The following DLGAP1 variants were observed in gnomAD, a reference collection of about 807,000 sequenced individuals.
DLGAP1 encodes the protein disks large-associated protein 1.
In DLGAP1, 11 loss-of-function variants were observed where a neutral mutation model predicts 90.8. That is an observed-to-expected ratio of 0.12 (90% CI 0.08 to 0.20). The LOEUF (loss-of-function observed/expected upper bound fraction) is 0.20. Ranked by LOEUF, DLGAP1 falls within the 10% of genes least tolerant of loss-of-function variation. The probability of loss-of-function intolerance (pLI) is 1.00; values close to 1 mark genes in which losing one functional copy is unlikely to be tolerated. For synonymous variants in DLGAP1, 558 were observed against 540.7 expected (o/e 1.03, Z -0.44); for missense variants, 1,050 against 1,333.8 (o/e 0.79, Z 3.31).
chr18:3,700,900 C>T (rs541466013), intron 7 of DLGAP1, among the ~76,000 whole-genome samples: 20 of 150,852 alleles, frequency 1.3e-4, no homozygotes, highest in South Asian at 6.3e-4. Flanking sequence ...TGAGCCATCA[C>T]GCCCAGCCGA....
intron 9 of DLGAP1, among the ~76,000 whole-genome samples, chr18:3,551,763 CCT>C (rs2053488019): frequency 1.0e-5 from 1 of 95,346 alleles, no homozygotes; most frequent in Non-Finnish European, 2.0e-5. Context: ...TTCCTTCCTT[CCT>C]TCCTTCTTTC....
chr18:3,792,196 TG>T lies in DLGAP1; in HGVS notation c.1172+21862del, dbSNP rs574400075. ...GCTGTGGGTACTTAAGATATTATGA[TG>T]GGGCTGGGCACGATGGCTCACACCT... On this transcript the variant is annotated intron_variant, in intron 5 of 12. Coordinates refer to ENST00000315677, the MANE Select transcript of DLGAP1 (RefSeq NM_004746.4). 1.4e-3 allele frequency among the ~76,000 whole-genome samples: 218 copies of T among 152,228 alleles called. 2 individuals carry two copies. Among genetic ancestry groups the T allele is most frequent in the African/African-American group, 5.1e-3 (212 of 41,552 alleles).
At position 3,498,911 on chromosome 18, in the gene DLGAP1, A is replaced by C; in HGVS notation, c.*274T>G. On this transcript the variant is annotated 3_prime_UTR_variant, in exon 13 of 13. Transcript: ENST00000315677. ...ACAGGTGGGTTTGGCTTTGCCCAGA[A>C]AATAAAGGGTTGGATCTCAGTATGA... 2 of 470,166 alleles carry C rather than the reference A, an allele frequency of 4.3e-6. No homozygotes were observed. The highest frequency in any genetic ancestry group is 3.7e-6 in the Non-Finnish European group (1 of 267,044). The allele number at this position is 470,166 out of a possible 1,614,324, so 29.1% of individuals were successfully genotyped here.
chr18:3,511,269 T>C (rs1279758741), intron 10 of DLGAP1, among the ~76,000 whole-genome samples: 1 of 133,856 alleles, frequency 7.5e-6, no homozygotes, highest in Non-Finnish European at 1.6e-5. Flanking sequence ...AGAAAGAAGC[T>C]GTAATGGAGG....
intron 5 of DLGAP1, among the ~76,000 whole-genome samples, chr18:3,779,673 A>G (rs1422361622): frequency 3.9e-5 from 6 of 152,250 alleles, no homozygotes; most frequent in Middle Eastern, 6.8e-3. Context: ...TCCTCCAGGA[A>G]GCTTGCTTGC....
intron 1 of DLGAP1, among the ~76,000 whole-genome samples, chr18:4,156,107 G>A (rs1314703181): frequency 6.6e-6 from 1 of 152,212 alleles, no homozygotes; most frequent in Non-Finnish European, 1.5e-5. Context: ...CTGGAAGAGT[G>A]ACCTCGACGT....
At chr18:4,405,510 AT>A (rs34791327) in intron 1 of DLGAP1, among the ~76,000 whole-genome samples, 4,080 of 152,136 alleles carry the variant, frequency 0.027, 53 homozygotes, top group Non-Finnish European at 0.04. Context: ...TCAAAGTGCC[AT>A]TTTTTTTCTT....
chr18:4,306,066 G>A (rs1459250881), intron 1 of DLGAP1, among the ~76,000 whole-genome samples: 1 of 125,040 alleles, frequency 8.0e-6, no homozygotes, highest in African/African-American at 3.3e-5. Context: ...ACACACACAC[G>A]GGGGAGAGGG....
intron 1 of DLGAP1, among the ~76,000 whole-genome samples, chr18:4,426,355 G>C (rs2083154670): frequency 6.6e-6 from 1 of 152,206 alleles, no homozygotes; most frequent in South Asian, 2.1e-4. Flanking sequence ...TTCATGCTCT[G>C]AATTAAAGTC....
At chr18:4,408,418 G>C (rs2082709767) in intron 1 of DLGAP1, among the ~76,000 whole-genome samples, 1 of 151,988 alleles carries the variant, frequency 6.6e-6, no homozygotes, top group South Asian at 2.1e-4. Context: ...GGATTGAAAA[G>C]GTTTTTTTAT....
At chr18:4,168,136 T>C (rs2076961870) in intron 1 of DLGAP1, among the ~76,000 whole-genome samples, 1 of 152,156 alleles carries the variant, frequency 6.6e-6, no homozygotes, top group South Asian at 2.1e-4. Context: ...GCTAAAATAA[T>C]CTTGACAATG....
At chr18:4,033,233 GGCTAACGT>G (rs1239539857) in intron 2 of DLGAP1, among the ~76,000 whole-genome samples, 4 of 151,524 alleles carry the variant, frequency 2.6e-5, no homozygotes, top group Non-Finnish European at 5.9e-5. Context: ...GTTCAGATAA[GGCTAACGT>G]GTCTCTTGAC....
chr18:3,773,369 TATATA>T (rs1434616425), intron 5 of DLGAP1, among the ~76,000 whole-genome samples: 2 of 152,222 alleles, frequency 1.3e-5, no homozygotes. Context: ...CAGTGTTTTG[TATATA>T]CCAGGTGACT....
At chr18:3,914,083 A>T (rs2072091365) in intron 3 of DLGAP1, among the ~76,000 whole-genome samples, 1 of 152,142 alleles carries the variant, frequency 6.6e-6, no homozygotes, top group African/African-American at 2.4e-5. Context: ...TTTAATATCT[A>T]TTCTCTTAGC....
intron 7 of DLGAP1, among the ~76,000 whole-genome samples, chr18:3,690,954 G>C (rs141826136): frequency 6.6e-6 from 1 of 152,292 alleles, no homozygotes; most frequent in East Asian, 1.9e-4. Context: ...ATACAAGTTT[G>C]GAAAATGGTA....
chr18:3,592,263 C>A (rs1413298745), intron 7 of DLGAP1, among the ~76,000 whole-genome samples: 3 of 152,252 alleles, frequency 2.0e-5, no homozygotes, highest in African/African-American at 7.2e-5. Context: ...AAGTTTGCTG[C>A]TGCTGCTTCC....
At chr18:3,656,816 G>C (rs1055107105) in intron 7 of DLGAP1, among the ~76,000 whole-genome samples, 16 of 151,622 alleles carry the variant, frequency 1.1e-4, no homozygotes, top group African/African-American at 3.9e-4. Context: ...CTTGGATCTC[G>C]GCTCACTGCA....
intron 7 of DLGAP1, among the ~76,000 whole-genome samples, chr18:3,665,244 T>C (rs1339228704): frequency 2.0e-5 from 3 of 152,222 alleles, no homozygotes; most frequent in Admixed American, 6.5e-5. Flanking sequence ...AACAATTTGT[T>C]ACTAGATCAG....
chr18:3,744,192 A>G (rs985941713), intron 5 of DLGAP1, among the ~76,000 whole-genome samples: 2 of 152,198 alleles, frequency 1.3e-5, no homozygotes, highest in African/African-American at 4.8e-5. Context: ...TTTATAGATT[A>G]TGTAATCAAT....
Sources: allele counts gnomAD v4.1 joint callset (sites outside exome capture counted in the v4.1 genomes callset), GRCh38; gene constraint gnomAD v4.1.1; transcripts MANE v1.5; gene names NCBI Gene and HGNC (gene_info 2026-07-23, HGNC 2026-07-21).